The following SH3RF2 variants were observed in gnomAD, a reference collection of about 807,000 sequenced individuals.
SH3RF2 encodes the protein SH3 domain containing ring finger 2, also known as E3 ubiquitin-protein ligase SH3RF2.
Under a neutral mutation model 59.0 loss-of-function variants are expected in SH3RF2, and 43 were observed. That is an observed-to-expected ratio of 0.73 (90% CI 0.57 to 0.94). The LOEUF (loss-of-function observed/expected upper bound fraction) is 0.94. Ranked by LOEUF, SH3RF2 falls within the 40% of genes least tolerant of loss-of-function variation. The pLI, the probability that SH3RF2 is intolerant of heterozygous loss-of-function variation, is 0.00. For missense variants in SH3RF2, 930 were observed against 940.1 expected (o/e 0.99, Z 0.14); for synonymous variants, 391 against 391.5 (o/e 1.00, Z 0.01).
intron 2 of SH3RF2, chr5:145,998,068 T>A: frequency 1.7e-6 from 1 of 573,862 alleles, no homozygotes; most frequent in Non-Finnish European, 3.2e-6. Flanking sequence ...AAGTTGCAAA[T>A]AATGATGAAA....
At chr5:146,010,596 T>C (rs1760841945) in intron 4 of SH3RF2, among the ~76,000 whole-genome samples, 1 of 152,226 alleles carries the variant, frequency 6.6e-6, no homozygotes, top group Non-Finnish European at 1.5e-5. Context: ...TGGTATCTCA[T>C]TGTGGTTTTG....
intron 7 of SH3RF2, among the ~76,000 whole-genome samples, chr5:146,051,103 T>C (rs1762479967): frequency 6.6e-6 from 1 of 152,152 alleles, no homozygotes; most frequent in African/African-American, 2.4e-5. Context: ...GACGTGGTGG[T>C]GGACACCTGT....
At chr5:145,984,229 A>T (rs1292260059) in intron 2 of SH3RF2, among the ~76,000 whole-genome samples, 1 of 152,204 alleles carries the variant, frequency 6.6e-6, no homozygotes, top group East Asian at 1.9e-4. Context: ...TGAATAAGTC[A>T]TACAGCCTGC....
intron 5 of SH3RF2, among the ~76,000 whole-genome samples, chr5:146,022,040 GTTA>G (rs1180141743): frequency 6.6e-6 from 1 of 152,068 alleles, no homozygotes; most frequent in Non-Finnish European, 1.5e-5. Context: ...TCCCTATCCT[GTTA>G]TTTTTTGGAC....
chr5:145,940,299 T>C (rs1741476566), intron 2 of SH3RF2, among the ~76,000 whole-genome samples: 1 of 152,218 alleles, frequency 6.6e-6, no homozygotes, highest in Admixed American at 6.5e-5. Context: ...ATGTCCTAAC[T>C]ATCCTTTCTT....
chr5:146,005,060 A>G (rs894931274), intron 4 of SH3RF2, among the ~76,000 whole-genome samples: 13 of 152,174 alleles, frequency 8.5e-5, no homozygotes, highest in Non-Finnish European at 1.8e-4. Flanking sequence ...TAACTAGATG[A>G]TGAGATTCTA....
chr5:145,968,874 C>T (rs1479496265), intron 2 of SH3RF2, among the ~76,000 whole-genome samples: 1 of 152,008 alleles, frequency 6.6e-6, no homozygotes, highest in African/African-American at 2.4e-5. Context: ...GTTGTCTTCA[C>T]TAGGGAGTGG....
At chr5:145,949,842 A>G (rs1758127781) in intron 2 of SH3RF2, among the ~76,000 whole-genome samples, 1 of 152,226 alleles carries the variant, frequency 6.6e-6, no homozygotes, top group South Asian at 2.1e-4. Flanking sequence ...GCAGTTAAAC[A>G]TATTTCTTTT....
chr5:146,028,424 G>A (rs554652263), intron 5 of SH3RF2, among the ~76,000 whole-genome samples: 3 of 152,304 alleles, frequency 2.0e-5, no homozygotes, highest in Admixed American at 1.3e-4. Context: ...AAAATTAATA[G>A]CGTCTTCCAC....
At chr5:146,059,467 T>C (rs988721241) in intron 8 of SH3RF2, among the ~76,000 whole-genome samples, 1 of 152,154 alleles carries the variant, frequency 6.6e-6, no homozygotes. Context: ...TGTCTTCTAT[T>C]TCCTATCTCT....
intron 2 of SH3RF2, among the ~76,000 whole-genome samples, chr5:145,995,841 C>T (rs1260888240): frequency 1.3e-5 from 2 of 152,140 alleles, no homozygotes; most frequent in African/African-American, 4.8e-5. Flanking sequence ...TTCTGTTACA[C>T]TTAATGGTAT....
chr5:145,963,847 T>C (rs1170649996), intron 2 of SH3RF2, among the ~76,000 whole-genome samples: 1 of 151,460 alleles, frequency 6.6e-6, no homozygotes, highest in African/African-American at 2.4e-5. Flanking sequence ...TTTTTTTCTT[T>C]TTTGAGATGG....
chr5:145,980,678 C>T (rs1759473519), intron 2 of SH3RF2, among the ~76,000 whole-genome samples: 1 of 152,150 alleles, frequency 6.6e-6, no homozygotes, highest in East Asian at 1.9e-4. Context: ...CCTAGTTACT[C>T]CTCACTGTGA....
intron 2 of SH3RF2, among the ~76,000 whole-genome samples, chr5:145,971,139 GA>G (rs1359059183): frequency 6.6e-6 from 1 of 152,176 alleles, no homozygotes; most frequent in Non-Finnish European, 1.5e-5. Flanking sequence ...AGCAACCAGT[GA>G]ATATTACCTG....
intron 7 of SH3RF2, among the ~76,000 whole-genome samples, chr5:146,050,911 C>A (rs1170738176): frequency 6.6e-6 from 1 of 152,134 alleles, no homozygotes; most frequent in Non-Finnish European, 1.5e-5. Flanking sequence ...GGCAAATGTC[C>A]AGACTAAAGA....
At chr5:145,976,534 C>T (rs1437184759) in intron 2 of SH3RF2, among the ~76,000 whole-genome samples, 2 of 151,948 alleles carry the variant, frequency 1.3e-5, no homozygotes, top group Non-Finnish European at 2.9e-5. Context: ...CGTAGTTTCA[C>T]TCCCTAAATT....
chr5:145,965,004 G>A (rs1455928496), intron 2 of SH3RF2, among the ~76,000 whole-genome samples: 10 of 151,920 alleles, frequency 6.6e-5, no homozygotes, highest in African/African-American at 2.4e-4. Context: ...ACTAGCCTGC[G>A]CAACACGGTG....
At chr5:145,997,515 A>G in intron 2 of SH3RF2, 1 of 1,604,258 alleles carries the variant, frequency 6.2e-7, no homozygotes, top group East Asian at 2.2e-5. Flanking sequence ...TGTCTATCTG[A>G]AGAATCCTCC....
intron 5 of SH3RF2, among the ~76,000 whole-genome samples, chr5:146,017,497 T>A (rs1288594875): frequency 6.6e-6 from 1 of 152,068 alleles, no homozygotes; most frequent in Non-Finnish European, 1.5e-5. Context: ...CCTAAGAGTT[T>A]CTGCTCCTCA....
Sources: gnomAD v4.1 joint callset for allele counts (sites outside exome capture counted in the v4.1 genomes callset) on GRCh38, gnomAD v4.1.1 for gene constraint, MANE v1.5 for transcripts, NCBI Gene and HGNC (gene_info 2026-07-23, HGNC 2026-07-21) for gene names.